The following CDH8 variants were observed in gnomAD, a reference collection of about 807,000 sequenced individuals.
CDH8 encodes cadherin-8.
In CDH8, 17 loss-of-function variants were observed where a neutral mutation model predicts 68.1. The observed-to-expected ratio is 0.25, with a 90% CI of 0.17 to 0.37. CDH8 has a LOEUF of 0.37. Ranked by LOEUF, CDH8 falls within the 10% of genes least tolerant of loss-of-function variation. The probability of loss-of-function intolerance (pLI) is 1.00; values close to 1 mark genes in which losing one functional copy is unlikely to be tolerated. For missense variants in CDH8, 763 were observed against 999.3 expected (o/e 0.76, Z 3.19); for synonymous variants, 372 against 365.1 (o/e 1.02, Z -0.21).
chr16:62,012,982 C>T lies in CDH8; in HGVS notation c.252+8170G>A, dbSNP rs1303647933. Among the ~76,000 whole-genome samples the T allele has an allele frequency of 1.1e-4, 3 of 28,124 alleles. 1 individual carries two copies. The highest frequency in any genetic ancestry group is 2.6e-4 in the Non-Finnish European group (3 of 11,692). 18.5% of individuals were successfully genotyped at this position (28,124 alleles called of 152,430 possible). On this transcript the variant is annotated intron_variant, in intron 2 of 11. Coordinates refer to ENST00000577390, the MANE Select transcript of CDH8 (RefSeq NM_001796.5). ...TAAATTAACTACTTAAGGCCGGGCG[C>T]GGTGGCTCACGCCTGTAATCCCAGC...
intron 2 of CDH8, among the ~76,000 whole-genome samples, chr16:61,960,006 A>ATG (rs1202914335): frequency 3.6e-5 from 3 of 83,220 alleles, no homozygotes; most frequent in African/African-American, 8.1e-5. Flanking sequence ...ATATATATAT[A>ATG]TATATATATA....
At chr16:62,014,313 G>T (rs949494254) in intron 2 of CDH8, among the ~76,000 whole-genome samples, 1 of 152,076 alleles carries the variant, frequency 6.6e-6, no homozygotes, top group African/African-American at 2.4e-5. Flanking sequence ...CAACAGCTCT[G>T]GGATACCCCT....
At chr16:62,035,240 A>T (rs1423274290) in intron 1 of CDH8, 1 of 152,288 alleles carries the variant, frequency 6.6e-6, no homozygotes, top group East Asian at 1.9e-4. Context: ...GGGCGCGACC[A>T]GCCCCTCAAA....
At chr16:61,829,526 G>A (rs11645881) in intron 4 of CDH8, among the ~76,000 whole-genome samples, 103 of 151,754 alleles carry the variant, frequency 6.8e-4, no homozygotes, top group Admixed American at 6.1e-3. Flanking sequence ...AATGTACTGC[G>A]GTCCAGGCCT....
intron 2 of CDH8, among the ~76,000 whole-genome samples, chr16:61,953,982 A>G (rs2143601137): frequency 1.3e-5 from 2 of 149,540 alleles, no homozygotes; most frequent in Non-Finnish European, 3.0e-5. Flanking sequence ...TTCAAATATC[A>G]AAGGACTCAG....
chr16:61,654,011 C>T lies in CDH8; in HGVS notation c.1997G>A (p.Arg666His), dbSNP rs146063486. ...DDEDVRENII[R>H]YDDEGGGEED... is the part of the protein sequence containing the mutation. ...CTCCCCTCCTCCTTCATCATCGTAG[C>T]GAATGATGTTTTCTCGAACGTCTTC... Residue 666 changes from arginine (R) to histidine (H), a missense_variant, in exon 12 of 12, where the codon CGC (arginine) becomes CAC (histidine). Transcript: ENST00000577390. 2,473 of 1,613,362 alleles carry T rather than the reference C, an allele frequency of 1.5e-3. 4 individuals are homozygous for T. The highest frequency in any genetic ancestry group is 2.0e-3 in the Non-Finnish European group (2,352 of 1,179,396).
chr16:61,849,333 G>C (rs535574713), intron 4 of CDH8, among the ~76,000 whole-genome samples: 25 of 150,930 alleles, frequency 1.7e-4, no homozygotes, highest in Non-Finnish European at 3.5e-4. Context: ...AAAAAAAAAA[G>C]GAAATTGGAT....
intron 2 of CDH8, among the ~76,000 whole-genome samples, chr16:61,948,852 TC>T (rs1964841974): frequency 6.6e-6 from 1 of 152,170 alleles, no homozygotes; most frequent in Non-Finnish European, 1.5e-5. Flanking sequence ...GCATAACCCA[TC>T]CCGACATCAG....
At chr16:61,986,187 G>A (rs946825244) in intron 2 of CDH8, among the ~76,000 whole-genome samples, 7 of 151,792 alleles carry the variant, frequency 4.6e-5, no homozygotes, top group African/African-American at 1.7e-4. Context: ...GCCTCCCAAA[G>A]TGCTGGGATT....
intron 8 of CDH8, among the ~76,000 whole-genome samples, chr16:61,762,016 A>T (rs527435535): frequency 1.1e-4 from 16 of 152,264 alleles, no homozygotes; most frequent in Admixed American, 2.0e-4. Context: ...ATAAGTAAAA[A>T]GAAAAGGATA....
intron 8 of CDH8, among the ~76,000 whole-genome samples, chr16:61,785,051 T>C (rs997097695): frequency 6.9e-5 from 10 of 144,734 alleles, no homozygotes; most frequent in African/African-American, 2.6e-4. Context: ...AGCAAACACA[T>C]TCAAAAGCTA....
intron 9 of CDH8, among the ~76,000 whole-genome samples, chr16:61,724,744 C>T (rs1189499369): frequency 1.3e-5 from 2 of 150,786 alleles, no homozygotes; most frequent in Non-Finnish European, 3.0e-5. Flanking sequence ...TGATCATCTG[C>T]TAAGGAATAT....
At chr16:61,916,253 C>A (rs1484163024) in intron 2 of CDH8, among the ~76,000 whole-genome samples, 10 of 152,178 alleles carry the variant, frequency 6.6e-5, no homozygotes, top group African/African-American at 2.2e-4. Flanking sequence ...GTGGCTCATG[C>A]CTGTAATCCC....
At chr16:61,704,933 A>G (rs528925843) in intron 10 of CDH8, among the ~76,000 whole-genome samples, 1 of 152,338 alleles carries the variant, frequency 6.6e-6, no homozygotes, top group South Asian at 2.1e-4. Flanking sequence ...AATGAAATTC[A>G]GGGAAGGATG....
chr16:61,679,177 C>T (rs1340926039), intron 10 of CDH8, among the ~76,000 whole-genome samples: 5 of 151,950 alleles, frequency 3.3e-5, no homozygotes, highest in Non-Finnish European at 5.9e-5. Context: ...TAGAGTTATC[C>T]TAAGTCCCCA....
intron 8 of CDH8, among the ~76,000 whole-genome samples, chr16:61,745,384 A>G (rs1000575437): frequency 1.3e-5 from 2 of 151,914 alleles, no homozygotes; most frequent in Admixed American, 6.6e-5. Context: ...ACTTGAATCT[A>G]TATCTTGATG....
chr16:61,833,615 C>T (rs1003224073), intron 4 of CDH8, among the ~76,000 whole-genome samples: 2 of 151,906 alleles, frequency 1.3e-5, no homozygotes, highest in African/African-American at 4.8e-5. Context: ...CAAATCTTTA[C>T]ATGACTTGTC....
In CDH8 at chr16:61,649,550, T is replaced by C. The variant is rs1424848172; in HGVS notation, c.*4058A>G. 6.6e-6 allele frequency: 1 copy of C among 152,008 alleles called. No homozygotes were observed. Among genetic ancestry groups the C allele is most frequent in the Non-Finnish European group, 1.5e-5 (1 of 67,988 alleles). 9.4% of individuals were successfully genotyped at this position (152,008 alleles called of 1,614,324 possible). ...CCCGCTGTTACCTTATCTTTTTGACTGACAATGATAGGATTTCAGTCATGC... is the reference window on the plus strand; with the variant it reads ...CCCGCTGTTACCTTATCTTTTTGACCGACAATGATAGGATTTCAGTCATGC... On this transcript the variant is annotated 3_prime_UTR_variant, in exon 12 of 12. Transcript: ENST00000577390.
chr16:61,921,051 C>T (rs1206684207), intron 2 of CDH8, among the ~76,000 whole-genome samples: 4 of 136,214 alleles, frequency 2.9e-5, no homozygotes, highest in Non-Finnish European at 6.2e-5. Flanking sequence ...GGGAATTGAA[C>T]AATGAGAACA....
Sources: gnomAD v4.1 joint callset for allele counts (sites outside exome capture counted in the v4.1 genomes callset) on GRCh38, gnomAD v4.1.1 for gene constraint, MANE v1.5 for transcripts, NCBI Gene and HGNC (gene_info 2026-07-23, HGNC 2026-07-21) for gene names.